Variants in HS3ST4 observed in about 807,000 individuals in gnomAD.
The protein encoded by HS3ST4 is heparan sulfate glucosamine 3-O-sulfotransferase 4.
Under a neutral mutation model 29.2 loss-of-function variants are expected in HS3ST4, and 17 were observed. That is an observed-to-expected ratio of 0.58 (90% confidence interval 0.40 to 0.87). The LOEUF is 0.87. Ranked by LOEUF, HS3ST4 falls within the 40% of genes least tolerant of loss-of-function variation. The pLI is 0.00. For synonymous variants in HS3ST4, 314 were observed against 285.7 expected (o/e 1.10, Z -1.00); for missense variants, 627 against 634.5 (o/e 0.99, Z 0.13).
chr16:26,089,390 TGCAGTCCATTG>T (rs1425141607), intron 1 of HS3ST4, among the ~76,000 whole-genome samples: 1 of 152,144 alleles, frequency 6.6e-6, no homozygotes, highest in Non-Finnish European at 1.5e-5. Context: ...GCTTGATTTT[TGCAGTCCATTG>T]TCAGAACTGG....
At chr16:25,894,416 T>A (rs1190625283) in intron 1 of HS3ST4, among the ~76,000 whole-genome samples, 6 of 152,104 alleles carry the variant, frequency 3.9e-5, no homozygotes, top group African/African-American at 1.4e-4. Flanking sequence ...GAGTGGGAAG[T>A]TGCTAGGAGG....
chr16:25,862,214 A>G (rs1967645656), intron 1 of HS3ST4, among the ~76,000 whole-genome samples: 1 of 106,290 alleles, frequency 9.4e-6, no homozygotes, highest in Admixed American at 9.4e-5. Context: ...TATTTTTAAG[A>G]CAGAGCCTCA....
intron 1 of HS3ST4, among the ~76,000 whole-genome samples, chr16:26,010,498 A>G (rs1421229626): frequency 1.3e-5 from 2 of 152,126 alleles, no homozygotes. Flanking sequence ...TGAAAATGTA[A>G]TTTTTAAATA....
intron 1 of HS3ST4, among the ~76,000 whole-genome samples, chr16:25,731,805 T>G (rs1966571586): frequency 6.6e-6 from 1 of 152,216 alleles, no homozygotes; most frequent in Non-Finnish European, 1.5e-5. Context: ...AGACTCCGGT[T>G]GAGGCAAGTG....
intron 1 of HS3ST4, among the ~76,000 whole-genome samples, chr16:26,087,300 A>G (rs1486323997): frequency 6.6e-6 from 1 of 152,218 alleles, no homozygotes; most frequent in Non-Finnish European, 1.5e-5. Flanking sequence ...AATCATCTGG[A>G]CTTGGTTAGA....
intron 1 of HS3ST4, among the ~76,000 whole-genome samples, chr16:25,886,394 A>G (rs1337835890): frequency 6.6e-6 from 1 of 152,194 alleles, no homozygotes; most frequent in Non-Finnish European, 1.5e-5. Context: ...GTCAACCGGC[A>G]GAACACCTAA....
intron 1 of HS3ST4, among the ~76,000 whole-genome samples, chr16:26,048,825 C>A (rs988001651): frequency 6.6e-6 from 1 of 151,930 alleles, no homozygotes; most frequent in Non-Finnish European, 1.5e-5. Flanking sequence ...AGAGCGAGAC[C>A]CTGTCTAAAA....
intron 1 of HS3ST4, among the ~76,000 whole-genome samples, chr16:25,701,064 A>C (rs889577420): frequency 1.3e-5 from 2 of 152,218 alleles, no homozygotes; most frequent in African/African-American, 4.8e-5. Context: ...AACTGGATCC[A>C]GGGGCTCAAA....
At chr16:25,741,964 TA>T (rs921430689) in intron 1 of HS3ST4, among the ~76,000 whole-genome samples, 1 of 151,900 alleles carries the variant, frequency 6.6e-6, no homozygotes, top group African/African-American at 2.4e-5. Flanking sequence ...GATCTATGGT[TA>T]AAAAAAAGAG....
chr16:25,960,375 G>C (rs1386357598), intron 1 of HS3ST4, among the ~76,000 whole-genome samples: 1 of 152,142 alleles, frequency 6.6e-6, no homozygotes, highest in Non-Finnish European at 1.5e-5. Context: ...AAATGGACTA[G>C]TACAAGGTAC....
chr16:25,803,753 A>G (rs1596575678), intron 1 of HS3ST4, among the ~76,000 whole-genome samples: 1 of 152,170 alleles, frequency 6.6e-6, no homozygotes, highest in East Asian at 1.9e-4. Flanking sequence ...GCTTTGTTTC[A>G]TTGTTTCTGA....
chr16:25,838,275 GCTT>G (rs1967380848), intron 1 of HS3ST4, among the ~76,000 whole-genome samples: 1 of 152,146 alleles, frequency 6.6e-6, no homozygotes, highest in African/African-American at 2.4e-5. Flanking sequence ...TACAGTGCAG[GCTT>G]CTTCTTATCT....
chr16:25,838,813 A>G (rs1370103460), intron 1 of HS3ST4, among the ~76,000 whole-genome samples: 1 of 152,204 alleles, frequency 6.6e-6, no homozygotes. Flanking sequence ...GAAAAGAGCG[A>G]AGCCCTTTTT....
At chr16:26,031,729 CTG>C (rs1969533085) in intron 1 of HS3ST4, among the ~76,000 whole-genome samples, 2 of 148,524 alleles carry the variant, frequency 1.3e-5, no homozygotes, top group African/African-American at 4.9e-5. Flanking sequence ...CCAAGCCAAA[CTG>C]TATCCAGCTT....
chr16:26,036,255 G>A (rs984747570), intron 1 of HS3ST4, among the ~76,000 whole-genome samples: 38 of 152,240 alleles, frequency 2.5e-4, no homozygotes, highest in African/African-American at 8.4e-4. Flanking sequence ...ACACACTGCA[G>A]CTGAAGCATG....
chr16:25,813,847 G>T (rs548101476), intron 1 of HS3ST4, among the ~76,000 whole-genome samples: 2 of 152,264 alleles, frequency 1.3e-5, no homozygotes, highest in East Asian at 3.9e-4. Context: ...CCATTATCGG[G>T]TGAGTGGATA....
intron 1 of HS3ST4, among the ~76,000 whole-genome samples, chr16:25,945,439 C>T (rs563259209): frequency 5.1e-4 from 77 of 152,058 alleles, no homozygotes; most frequent in Non-Finnish European, 8.7e-4. Context: ...CCATGATGAA[C>T]GCACTGTAGT....
chr16:25,857,323 T>C (rs1427288070), intron 1 of HS3ST4, among the ~76,000 whole-genome samples: 1 of 152,156 alleles, frequency 6.6e-6, no homozygotes, highest in Non-Finnish European at 1.5e-5. Flanking sequence ...TGGCTTCAGC[T>C]CTCTGAAGGA....
In HS3ST4 at chr16:25,756,747, G is replaced by A. The variant is rs142887778; in HGVS notation, c.734+63596G>A. Among the ~76,000 whole-genome samples the A allele has an allele frequency of 2.5e-3, 379 of 152,196 alleles. 2 individuals are homozygous for A. Among genetic ancestry groups the A allele is most frequent in the African/African-American group, 8.7e-3 (363 of 41,524 alleles). On this transcript the variant is annotated intron_variant, in intron 1 of 1. Coordinates refer to ENST00000331351, the MANE Select transcript of HS3ST4 (RefSeq NM_006040.3). ...GGTGCTGGCACAGAGAGATGAGGAA[G>A]GATAAAGAATTACAGTGGAGTTGAA...
Sources: gnomAD v4.1 joint callset for allele counts (sites outside exome capture counted in the v4.1 genomes callset) on GRCh38, gnomAD v4.1.1 for gene constraint, MANE v1.5 for transcripts, NCBI Gene and HGNC (gene_info 2026-07-23, HGNC 2026-07-21) for gene names.